The following PDCD6 variants were observed in gnomAD, a reference collection of about 807,000 sequenced individuals.
PDCD6 encodes the protein programmed cell death 6, also known as programmed cell death protein 6.
Under a neutral mutation model 28.3 loss-of-function variants are expected in PDCD6, and 12 were observed. That is an observed-to-expected ratio of 0.42 (90% confidence interval 0.27 to 0.69). PDCD6 has a LOEUF of 0.69. PDCD6 is among the 30% of genes least tolerant of loss of function. The pLI, the probability that PDCD6 is intolerant of heterozygous loss-of-function variation, is 0.22. For missense variants in PDCD6, 226 were observed against 269.9 expected, an observed-to-expected ratio of 0.84 and a Z score of 1.14; for synonymous variants, 92 against 108.0, an observed-to-expected ratio of 0.85 and a Z score of 0.92.
chr5:279,437 C>T (rs939669998), intron 2 of PDCD6, among the ~76,000 whole-genome samples: 11 of 152,098 alleles, frequency 7.2e-5, no homozygotes, highest in South Asian at 2.1e-4. Context: ...GAATGAGAGG[C>T]GTGTGGAGCA....
chr5:314,345 A>G (rs1741131880), intron 5 of PDCD6, 72 bp from the exon 6 acceptor site: 2 of 1,117,440 alleles, frequency 1.8e-6, no homozygotes, highest in Non-Finnish European at 2.7e-6. Flanking sequence ...TTGGGTCCCT[A>G]CATGCCTTTG....
rs751855779 is a variant in PDCD6 at position 314,793 on chromosome 5, A to G, written c.*278A>G. 1.9e-6 allele frequency: 1 copy of G among 515,752 alleles called. No homozygotes were observed. The highest frequency in any genetic ancestry group is 3.6e-6 in the Non-Finnish European group (1 of 278,952). 31.9% of individuals were successfully genotyped at this position (515,752 alleles called of 1,614,324 possible). On this transcript the variant is annotated 3_prime_UTR_variant, in exon 6 of 6. Coordinates refer to ENST00000264933, the MANE Select transcript of PDCD6 (RefSeq NM_013232.4). ...AGGCATTCTGCTTGCAAAAAAATCT[A>G]TCATGTGCTTTTCTAGATGTCTCTG...
At chr5:310,262 T>C (rs928730976) in intron 4 of PDCD6, 2 of 157,396 alleles carry the variant, frequency 1.3e-5, no homozygotes, top group African/African-American at 4.8e-5. Flanking sequence ...GCAACTCCGC[T>C]GTTGCACATT....
At chr5:283,907 G>A (rs1738759290) in intron 2 of PDCD6, among the ~76,000 whole-genome samples, 1 of 151,924 alleles carries the variant, frequency 6.6e-6, no homozygotes, top group African/African-American at 2.4e-5. Flanking sequence ...CTAGTTTGAG[G>A]GTCATGCAGC....
intron 2 of PDCD6, among the ~76,000 whole-genome samples, chr5:277,802 C>T (rs1224583138): frequency 2.6e-5 from 4 of 151,266 alleles, no homozygotes; most frequent in Non-Finnish European, 5.9e-5. Flanking sequence ...ATAATCCCAG[C>T]TACTCGGGAG....
intron 2 of PDCD6, among the ~76,000 whole-genome samples, chr5:287,223 G>A (rs990858559): frequency 6.6e-6 from 1 of 152,184 alleles, no homozygotes; most frequent in African/African-American, 2.4e-5. Flanking sequence ...CCAGGCTGGT[G>A]TTCTAGTTTG....
At chr5:291,819 C>T (rs1739333011) in intron 2 of PDCD6, among the ~76,000 whole-genome samples, 1 of 152,198 alleles carries the variant, frequency 6.6e-6, no homozygotes. Flanking sequence ...AGTGTTTGGC[C>T]AGGTTGGGGC....
intron 2 of PDCD6, among the ~76,000 whole-genome samples, chr5:279,610 C>G (rs10062746): frequency 4.6e-5 from 7 of 151,642 alleles, no homozygotes; most frequent in East Asian, 3.9e-4. Flanking sequence ...GAAGGCATTT[C>G]TCTATCAGTC....
rs545166429 is a variant in PDCD6, at chr5:306,789, G to C, written c.367+29G>C. On this transcript the variant is annotated intron_variant, in intron 4 of 5. Transcript: ENST00000264933. ...ACTCACTCACTCTGGCTTGTGTAGC[G>C]TGTTTCATTTTGGAACCTTGGAGCC... The C allele has an allele frequency of 4.4e-6, 7 of 1,599,744 alleles. No individual in the cohort carries two copies. The East Asian group carries it at 1.6e-4, about 36-fold the overall frequency.
chr5:309,562 C>A, intron 4 of PDCD6: 1 of 247,358 alleles, frequency 4.0e-6, no homozygotes, highest in Middle Eastern at 1.5e-3. Context: ...CCAGTAATGA[C>A]CTCTGTCCCC....
At chr5:293,093 G>T (rs902761662) in intron 2 of PDCD6, among the ~76,000 whole-genome samples, 2 of 152,160 alleles carry the variant, frequency 1.3e-5, no homozygotes, top group African/African-American at 2.4e-5. Flanking sequence ...ACCCCCATCA[G>T]CACCTCCCCC....
chr5:308,935 C>T (rs147297281), intron 4 of PDCD6: 55 of 154,362 alleles, frequency 3.6e-4, no homozygotes, highest in Admixed American at 9.8e-4. Context: ...ACTCACCACC[C>T]GGCACCGGGA....
intron 2 of PDCD6, among the ~76,000 whole-genome samples, chr5:296,058 C>A (rs145750983): frequency 2.0e-5 from 3 of 152,074 alleles, no homozygotes; most frequent in African/African-American, 7.2e-5. Flanking sequence ...AGTCTCTCTT[C>A]CTTCACACTA....
chr5:289,642 A>T lies in PDCD6; in HGVS notation c.164-14535A>T, dbSNP rs1474923486. The stretch of plus-strand genomic sequence containing the variant: ...ATCTTCATCTGGATGTTTATTTTTC[A>T]AAGGGCTCACTGAGCAAACTTCTGA... On this transcript the variant is annotated intron_variant, in intron 2 of 5. Transcript: ENST00000264933. 3.6e-6 allele frequency: 4 copies of T among 1,121,250 alleles called. No homozygotes were observed. The Admixed American group carries it at 5.2e-5, about 15-fold the overall frequency. 69.5% of individuals were successfully genotyped at this position (1,121,250 alleles called of 1,614,324 possible). A position where few individuals can be genotyped will look rare whatever the true frequency, so the allele number is the denominator to read the frequency against.
rs112285061 is a variant in PDCD6, at chr5:300,357, G to A, written c.164-3820G>A. Among the ~76,000 whole-genome samples the A allele has an allele frequency of 3.5e-3, 533 of 152,348 alleles. 2 individuals carry two copies. The highest frequency in any genetic ancestry group is 6.8e-3 in the Middle Eastern group (2 of 294). On this transcript the variant is annotated intron_variant, in intron 2 of 5. Coordinates refer to ENST00000264933, the MANE Select transcript of PDCD6 (RefSeq NM_013232.4). Reference sequence around the variant, plus strand: ...CAGCTTCTTGCTGGAGGAATCCGGCGCACCCTGTGTGACTCCGCTGGGAGG... The same window carrying A: ...CAGCTTCTTGCTGGAGGAATCCGGCACACCCTGTGTGACTCCGCTGGGAGG...
chr5:309,614 A>G, intron 4 of PDCD6: 1 of 217,450 alleles, frequency 4.6e-6, no homozygotes, highest in Non-Finnish European at 8.9e-6. Context: ...CACCCCAGTG[A>G]TGGCCGCCGT....
At chr5:277,797 C>G (rs1366788548) in intron 2 of PDCD6, among the ~76,000 whole-genome samples, 11 of 151,894 alleles carry the variant, frequency 7.2e-5, no homozygotes, top group Admixed American at 5.2e-4. Context: ...CGCCTATAAT[C>G]CCAGCTACTC....
At chr5:299,618 C>T (rs1739895972) in intron 2 of PDCD6, among the ~76,000 whole-genome samples, 1 of 151,578 alleles carries the variant, frequency 6.6e-6, no homozygotes, top group African/African-American at 2.4e-5. Flanking sequence ...GGTGCAATCT[C>T]AGCTCACTGC....
intron 2 of PDCD6, among the ~76,000 whole-genome samples, chr5:280,064 C>T (rs923468544): frequency 2.7e-5 from 4 of 150,706 alleles, no homozygotes; most frequent in Admixed American, 6.6e-5. Flanking sequence ...GAGTAAACCC[C>T]GATAGAGAGG....
Sources: gnomAD v4.1 joint callset for allele counts (sites outside exome capture counted in the v4.1 genomes callset) on GRCh38, gnomAD v4.1.1 for gene constraint, MANE v1.5 for transcripts, NCBI Gene and HGNC (gene_info 2026-07-23, HGNC 2026-07-21) for gene names.